Variants in MICAL2 observed in about 807,000 individuals in gnomAD.
MICAL2 encodes the protein microtubule associated monooxygenase, calponin and LIM domain containing 2.
In MICAL2, 77 loss-of-function variants were observed where a neutral mutation model predicts 127.3. The observed-to-expected ratio is 0.60, with a 90% CI of 0.50 to 0.73. The LOEUF is 0.73. Ranked by LOEUF, MICAL2 falls within the 30% of genes least tolerant of loss-of-function variation. The pLI is 0.00. For missense variants in MICAL2, 1,351 were observed against 1,434.4 expected (o/e 0.94, Z 0.94); for synonymous variants, 570 against 551.1 (o/e 1.03, Z -0.48).
intron 1 of MICAL2, among the ~76,000 whole-genome samples, chr11:12,121,114 C>G (rs1436740024): frequency 6.6e-6 from 1 of 152,246 alleles, no homozygotes; most frequent in Non-Finnish European, 1.5e-5. Flanking sequence ...TATGGGACAT[C>G]TGTCACATTC....
chr11:12,139,038 G>C (rs1852096584), intron 2 of MICAL2, among the ~76,000 whole-genome samples: 1 of 152,148 alleles, frequency 6.6e-6, no homozygotes, highest in Admixed American at 6.5e-5. Context: ...GGCTAGCCTG[G>C]TTTCTGTAAC....
At chr11:12,259,478 A>G (rs1209783019) in intron 25 of MICAL2, among the ~76,000 whole-genome samples, 1 of 152,212 alleles carries the variant, frequency 6.6e-6, no homozygotes, top group African/African-American at 2.4e-5. Context: ...TTTATCTTAC[A>G]AATGTTTTTA....
rs1590598272 is a variant in MICAL2 at position 12,243,841 on chromosome 11, A to G, written c.2659-146A>G. 3.3e-6 allele frequency: 3 copies of G among 919,444 alleles called. No individual in the cohort carries two copies. The East Asian group carries it at 7.3e-5, about 22-fold the overall frequency. 57.0% of individuals were successfully genotyped at this position (919,444 alleles called of 1,614,324 possible). On this transcript the variant is annotated intron_variant, in intron 20 of 27. Transcript: ENST00000683283. Reference sequence around the variant, plus strand: ...CAGATAATCCTTTCTGGCTCCAAAGACAGGGGTTTCTGTGTTGTCCTGAGA... The same window carrying G: ...CAGATAATCCTTTCTGGCTCCAAAGGCAGGGGTTTCTGTGTTGTCCTGAGA...
intron 2 of MICAL2, among the ~76,000 whole-genome samples, chr11:12,159,799 A>G (rs906863140): frequency 7.9e-5 from 12 of 152,210 alleles, no homozygotes; most frequent in African/African-American, 2.9e-4. Flanking sequence ...CTGGGTGGCA[A>G]CATTGCACAT....
At chr11:12,111,888 G>A (rs1032733191) in intron 1 of MICAL2, among the ~76,000 whole-genome samples, 2 of 152,180 alleles carry the variant, frequency 1.3e-5, no homozygotes, top group African/African-American at 4.8e-5. Flanking sequence ...TGGGCCTCCG[G>A]TCTCCAGGGT....
At chr11:12,118,624 G>C (rs1200468312) in intron 1 of MICAL2, among the ~76,000 whole-genome samples, 1 of 152,184 alleles carries the variant, frequency 6.6e-6, no homozygotes, top group Non-Finnish European at 1.5e-5. Context: ...TGGAATCTGA[G>C]AATAAACCTC....
chr11:12,315,130 C>T (rs1286551056), intron 29 of MICAL2, among the ~76,000 whole-genome samples: 1 of 152,156 alleles, frequency 6.6e-6, no homozygotes, highest in Non-Finnish European at 1.5e-5. Context: ...TGCAAGTTGA[C>T]AGTAGGCACT....
chr11:12,148,610 C>T (rs907560339), intron 2 of MICAL2, among the ~76,000 whole-genome samples: 6 of 152,116 alleles, frequency 3.9e-5, no homozygotes, highest in Admixed American at 6.5e-5. Context: ...GAATTGTGTG[C>T]GATACTCTTG....
intron 3 of MICAL2, among the ~76,000 whole-genome samples, chr11:12,172,014 C>G (rs573118557): frequency 1.3e-5 from 2 of 152,132 alleles, no homozygotes; most frequent in African/African-American, 4.8e-5. Flanking sequence ...TAAGTCTAGC[C>G]ACACATCAAG....
At chr11:12,133,238 C>T (rs1029150165) in intron 1 of MICAL2, among the ~76,000 whole-genome samples, 18 of 152,090 alleles carry the variant, frequency 1.2e-4, no homozygotes, top group Non-Finnish European at 2.1e-4. Context: ...TGCGCCACCA[C>T]ACCTGGCTAA....
chr11:12,220,587 C>T, intron 9 of MICAL2, 129 bp downstream of exon 9: 1 of 1,316,336 alleles, frequency 7.6e-7, no homozygotes, highest in South Asian at 1.5e-5. Context: ...AGGACTCTGC[C>T]AAGCCTGTCC....
At chr11:12,125,290 G>C (rs1589989504) in intron 1 of MICAL2, among the ~76,000 whole-genome samples, 1 of 152,224 alleles carries the variant, frequency 6.6e-6, no homozygotes, top group Non-Finnish European at 1.5e-5. Context: ...GTCTCGCTCT[G>C]TCACCCAGGA....
At chr11:12,118,571 C>T (rs546401634) in intron 1 of MICAL2, among the ~76,000 whole-genome samples, 26 of 152,180 alleles carry the variant, frequency 1.7e-4, no homozygotes, top group Non-Finnish European at 3.7e-4. Flanking sequence ...CAGCTCTCTC[C>T]TTTAGGAGTC....
chr11:12,227,591 A>G (rs1857643615), intron 15 of MICAL2, among the ~76,000 whole-genome samples: 1 of 152,208 alleles, frequency 6.6e-6, no homozygotes, highest in African/African-American at 2.4e-5. Flanking sequence ...GGGCTCTCCT[A>G]TAGGTCAACT....
chr11:12,355,459 G>A (rs777842472), intron 34 of MICAL2, among the ~76,000 whole-genome samples: 2 of 152,176 alleles, frequency 1.3e-5, no homozygotes, highest in African/African-American at 2.4e-5. Flanking sequence ...ATTAGTTCCT[G>A]CCAGAAAGGC....
chr11:12,143,393 T>C (rs1852541938), intron 2 of MICAL2, among the ~76,000 whole-genome samples: 1 of 152,202 alleles, frequency 6.6e-6, no homozygotes, highest in South Asian at 2.1e-4. Context: ...TGCAAAATAC[T>C]TGCTGCTAGG....
In MICAL2 at chr11:12,204,344, CCTT is replaced by C. The variant is rs1482574048; in HGVS notation, c.362_364del (p.Phe121del). 9.3e-6 allele frequency: 15 copies of C among 1,613,912 alleles called. No homozygotes were observed. The highest frequency in any genetic ancestry group is 1.3e-5 in the Non-Finnish European group (15 of 1,179,932). On this transcript the variant is annotated inframe_deletion, in exon 4 of 28. Coordinates refer to ENST00000683283, the MANE Select transcript of MICAL2 (RefSeq NM_001282663.2). The stretch of plus-strand genomic sequence containing the variant: ...GTGGTCGTGGTGGAGAAGAGGGACT[CCTT>C]CTCCCGGAACAACGTGCTACACCTC...
At chr11:12,147,615 A>T (rs543565269) in intron 2 of MICAL2, among the ~76,000 whole-genome samples, 2 of 152,372 alleles carry the variant, frequency 1.3e-5, no homozygotes, top group East Asian at 3.9e-4. Context: ...GATAGGTTCA[A>T]GGCTAAAGGA....
At chr11:12,189,706 C>T (rs1858824723) in intron 3 of MICAL2, among the ~76,000 whole-genome samples, 1 of 152,178 alleles carries the variant, frequency 6.6e-6, no homozygotes, top group South Asian at 2.1e-4. Flanking sequence ...TCCTGCCTTC[C>T]ATATGTGGGC....
Sources: allele counts gnomAD v4.1 joint callset (sites outside exome capture counted in the v4.1 genomes callset), GRCh38; gene constraint gnomAD v4.1.1; transcripts MANE v1.5; gene names NCBI Gene and HGNC (gene_info 2026-07-23, HGNC 2026-07-21).